Variants in HMGA2 observed in about 807,000 individuals in gnomAD.
HMGA2 encodes the protein high mobility group AT-hook 2, also known as high mobility group protein HMGI-C.
Under a neutral mutation model 19.1 loss-of-function variants are expected in HMGA2, and 8 were observed. That is an observed-to-expected ratio of 0.42 (90% CI 0.25 to 0.76). The LOEUF (loss-of-function observed/expected upper bound fraction) is 0.76. Ranked by LOEUF, HMGA2 falls within the 30% of genes least tolerant of loss-of-function variation. The pLI, the probability that HMGA2 is intolerant of heterozygous loss-of-function variation, is 0.28. For synonymous variants in HMGA2, 60 were observed against 48.8 expected, an observed-to-expected ratio of 1.23 and a Z score of -0.96; for missense variants, 109 against 136.3, an observed-to-expected ratio of 0.80 and a Z score of 1.00.
intron 3 of HMGA2, among the ~76,000 whole-genome samples, chr12:65,936,085 G>T (rs1215208338): frequency 6.6e-6 from 1 of 152,080 alleles, no homozygotes; most frequent in Non-Finnish European, 1.5e-5. Flanking sequence ...GGAATCTGTG[G>T]GTCAGATGTA....
rs193091331 is a variant in HMGA2, at chr12:65,879,515, G to A, written c.249+40946G>A. Reference sequence around the variant, plus strand: ...CTTCTAAACTTCATATTTAGTAAGTGCATGGCCAGAAAAAAGAGAACAAGA... The same window carrying A: ...CTTCTAAACTTCATATTTAGTAAGTACATGGCCAGAAAAAAGAGAACAAGA... On this transcript the variant is annotated intron_variant, in intron 3 of 4. Transcript: ENST00000403681. 8.9e-4 allele frequency among the ~76,000 whole-genome samples: 135 copies of A among 152,236 alleles called. 2 individuals are homozygous for A. The highest frequency in any genetic ancestry group is 2.3e-3 in the East Asian group (12 of 5,190).
intron 3 of HMGA2, among the ~76,000 whole-genome samples, chr12:65,880,225 C>T (rs1873300630): frequency 6.6e-6 from 1 of 152,192 alleles, no homozygotes; most frequent in Admixed American, 6.5e-5. Context: ...GAAAGCATTT[C>T]AGGTCAAAGC....
intron 2 of HMGA2, among the ~76,000 whole-genome samples, chr12:65,834,046 G>A (rs1870593360): frequency 6.6e-6 from 1 of 152,134 alleles, no homozygotes; most frequent in African/African-American, 2.4e-5. Context: ...CCACAAATGA[G>A]AAAACTGTGA....
Position 65,825,288 on chromosome 12 carries a change from G to T in HMGA2, c.18G>T (p.Glu6Asp). 1 of 1,532,678 alleles carries T rather than the reference G, an allele frequency of 6.5e-7. No homozygotes were observed. Among genetic ancestry groups the T allele is most frequent in the Non-Finnish European group, 8.7e-7 (1 of 1,143,882 alleles). The allele number at this position is 1,532,678 out of a possible 1,614,324, so 94.9% of individuals were successfully genotyped here. MSARG[E>D]GAGQPSTSAQ... The stretch of plus-strand genomic sequence containing the variant: ...GAGGCAGGATGAGCGCACGCGGTGA[G>T]GGCGCGGGGCAGCCGTCCACTTCAG... The change falls in exon 1 of 5, where the codon GAG becomes GAT. Residue 6 changes from glutamate to aspartate, a missense_variant. Coordinates refer to ENST00000403681, the MANE Select transcript of HMGA2 (RefSeq NM_003483.6). This position sits in a 1 kb window ranked among gnomAD's most constrained non-coding sequence, Gnocchi z 4.4.
chr12:65,865,850 G>A (rs1234024289), intron 3 of HMGA2, among the ~76,000 whole-genome samples: 1 of 151,386 alleles, frequency 6.6e-6, no homozygotes, highest in Admixed American at 6.6e-5. Flanking sequence ...CATCATGTTA[G>A]CCAGGATGGT....
At chr12:65,867,411 A>C in intron 3 of HMGA2, 1 of 434,680 alleles carries the variant, frequency 2.3e-6, no homozygotes, top group Non-Finnish European at 4.7e-6. Flanking sequence ...GAACCAGCAC[A>C]CTTGGAGTGT....
At position 65,824,800 on chromosome 12, in the gene HMGA2, T is replaced by C; in HGVS notation, c.-471T>C. ...GTGGGGGGAAGAGGAGGAGGAATTC[T>C]TTCCCCGCCTAACATTTCAAGGGAC... On this transcript the variant is annotated 5_prime_UTR_variant, in exon 1 of 5. Coordinates refer to ENST00000403681, the MANE Select transcript of HMGA2 (RefSeq NM_003483.6). 1 of 229,760 alleles carries C rather than the reference T, an allele frequency of 4.4e-6. No homozygotes were observed. The highest frequency in any genetic ancestry group is 8.5e-6 in the Non-Finnish European group (1 of 117,852). The allele number at this position is 229,760 out of a possible 1,614,324, so 14.2% of individuals were successfully genotyped here. A position where few individuals can be genotyped will look rare whatever the true frequency, so the allele number is the denominator to read the frequency against.
chr12:65,872,798 C>G (rs1872775461), intron 3 of HMGA2, among the ~76,000 whole-genome samples: 1 of 152,196 alleles, frequency 6.6e-6, no homozygotes, highest in Non-Finnish European at 1.5e-5. Flanking sequence ...CTTTATCACT[C>G]TCCTGCCAAA....
intron 3 of HMGA2, chr12:65,842,746 T>C: frequency 1.4e-6 from 2 of 1,419,736 alleles, no homozygotes; most frequent in Non-Finnish European, 1.8e-6. Context: ...TAGAATTCCA[T>C]TAGCCAGTCC....
At chr12:65,893,068 A>T (rs777246499) in intron 3 of HMGA2, among the ~76,000 whole-genome samples, 4 of 152,270 alleles carry the variant, frequency 2.6e-5, no homozygotes, top group African/African-American at 9.6e-5. Flanking sequence ...ACTGATGGCT[A>T]CACTGCACCC....
At chr12:65,893,890 T>TG (rs1874020734) in intron 3 of HMGA2, among the ~76,000 whole-genome samples, 1 of 152,216 alleles carries the variant, frequency 6.6e-6, no homozygotes, top group African/African-American at 2.4e-5. Context: ...GTGTTTGGTA[T>TG]GGCTCAGAGC....
At chr12:65,829,791 A>C (rs1870395957) in intron 2 of HMGA2, among the ~76,000 whole-genome samples, 1 of 152,008 alleles carries the variant, frequency 6.6e-6, no homozygotes, top group African/African-American at 2.4e-5. Context: ...ACTGACTAAC[A>C]AAATTTGTAT....
intron 3 of HMGA2, chr12:65,842,006 T>A: frequency 1.4e-5 from 14 of 998,742 alleles, no homozygotes; most frequent in South Asian, 1.6e-5. Flanking sequence ...TTTTTTTTTA[T>A]CCCCCTAGTT....
In HMGA2 at chr12:65,934,466, C is replaced by T. The variant is rs145043231; in HGVS notation, c.250-16917C>T. Among the ~76,000 whole-genome samples the T allele has an allele frequency of 3.0e-4, 46 of 152,296 alleles. 1 individual carries two copies. In the East Asian group the frequency reaches 5.8e-3, roughly 19 times the overall value. ...TTTATACCCCAGCCCACTTGTTCAA[C>T]GACATTCCTGTGATTTTACTATCTA... On this transcript the variant is annotated intron_variant, in intron 3 of 4. Transcript: ENST00000403681.
intron 3 of HMGA2, among the ~76,000 whole-genome samples, chr12:65,946,417 T>A (rs1184189133): frequency 6.6e-6 from 1 of 152,214 alleles, no homozygotes; most frequent in East Asian, 1.9e-4. Context: ...GACAGCCATG[T>A]GAAGGGCTTC....
intron 3 of HMGA2, among the ~76,000 whole-genome samples, chr12:65,911,903 A>G (rs942191146): frequency 5.9e-5 from 9 of 152,198 alleles, no homozygotes; most frequent in Admixed American, 2.0e-4. Flanking sequence ...TCTAAAAATT[A>G]TGTTACAAGC....
chr12:65,869,183 C>T (rs1351339478), intron 3 of HMGA2, among the ~76,000 whole-genome samples: 2 of 152,026 alleles, frequency 1.3e-5, no homozygotes, highest in Non-Finnish European at 2.9e-5. Context: ...CAAGTTAGTT[C>T]GAGTATTTAT....
intron 3 of HMGA2, among the ~76,000 whole-genome samples, chr12:65,924,675 G>A (rs1875441847): frequency 6.6e-6 from 1 of 152,102 alleles, no homozygotes; most frequent in African/African-American, 2.4e-5. Context: ...GGGCGTGCCT[G>A]TAGTCCCACC....
At chr12:65,879,083 C>T (rs1197094004) in intron 3 of HMGA2, among the ~76,000 whole-genome samples, 2 of 152,144 alleles carry the variant, frequency 1.3e-5, no homozygotes, top group East Asian at 3.9e-4. Flanking sequence ...CTGGTATGTA[C>T]ATCTGAGACA....
Sources: allele counts gnomAD v4.1 joint callset (sites outside exome capture counted in the v4.1 genomes callset), GRCh38; gene constraint gnomAD v4.1.1; non-coding constraint Gnocchi (gnomAD v3.1); transcripts MANE v1.5; gene names NCBI Gene and HGNC (gene_info 2026-07-23, HGNC 2026-07-21).